CABP7: variants seen among roughly 807,000 people sequenced by gnomAD.
The protein encoded by CABP7 is calcium-binding protein 7.
Under a neutral mutation model 23.1 loss-of-function variants are expected in CABP7, and 13 were observed. The ratio of observed to expected loss-of-function variants is 0.56; its 90% CI spans 0.37 to 0.90. CABP7 has a LOEUF of 0.90. CABP7 is among the 40% of genes least tolerant of loss of function. The pLI, the probability that CABP7 is intolerant of heterozygous loss-of-function variation, is 0.01. For missense variants in CABP7, 248 were observed against 295.6 expected (o/e 0.84, Z 1.18); for synonymous variants, 123 against 115.3 (o/e 1.07, Z -0.43).
At chr22:29,721,754 C>T (rs1338079768) in intron 1 of CABP7, among the ~76,000 whole-genome samples, 1 of 152,158 alleles carries the variant, frequency 6.6e-6, no homozygotes, top group Non-Finnish European at 1.5e-5. Context: ...TCGCTCACTG[C>T]ACCATAGGCA....
intron 3 of CABP7, 111 bp downstream of exon 3, chr22:29,728,853 G>A: frequency 1.0e-6 from 1 of 1,000,530 alleles, no homozygotes; most frequent in African/African-American, 1.6e-5. Flanking sequence ...CTTCAGGCTT[G>A]TGTCCACTGG....
In CABP7 at chr22:29,731,220, G is replaced by A; in HGVS notation, c.*1651G>A. 2.0e-6 allele frequency: 3 copies of A among 1,491,906 alleles called. No individual in the cohort carries two copies. The highest frequency in any genetic ancestry group is 2.7e-6 in the Non-Finnish European group (3 of 1,131,000). The allele number at this position is 1,491,906 out of a possible 1,614,324, so 92.4% of individuals were successfully genotyped here. On this transcript the variant is annotated 3_prime_UTR_variant, in exon 5 of 5. Coordinates refer to ENST00000216144, the MANE Select transcript of CABP7 (RefSeq NM_182527.3). ...CCACGTGGGGGTCAGTCGGGGGCAA[G>A]GGGCTCAGCCCCACTGGACTCTGGG...
In CABP7 at chr22:29,720,659, C is replaced by A. The variant is rs1268813566; in HGVS notation, c.109+126C>A. On this transcript the variant is annotated intron_variant, in intron 1 of 4. Coordinates refer to ENST00000216144, the MANE Select transcript of CABP7 (RefSeq NM_182527.3). The surrounding 1 kb of genome is among the most constrained non-coding windows in gnomAD (Gnocchi z 5.2). ...GCAGGTGCCGGTTGCCAGGTGGGCG[C>A]CCCAGCTAGCAGCTGTGCCCCGCGG... The A allele has an allele frequency of 2.0e-6, 1 of 493,900 alleles. No homozygotes were observed. Among genetic ancestry groups the A allele is most frequent in the East Asian group, 3.9e-5 (1 of 25,832 alleles). The allele number at this position is 493,900 out of a possible 1,614,324, so 30.6% of individuals were successfully genotyped here.
At chr22:29,729,411 T>A in intron 4 of CABP7, 31 bp from the exon 5 acceptor site, 1 of 1,605,620 alleles carries the variant, frequency 6.2e-7, no homozygotes, top group Non-Finnish European at 8.5e-7. Flanking sequence ...TCCCCTTCTG[T>A]CTCCCCGGTG....
intron 1 of CABP7, among the ~76,000 whole-genome samples, chr22:29,723,054 G>A (rs1958200549): frequency 6.6e-6 from 1 of 152,206 alleles, no homozygotes; most frequent in African/African-American, 2.4e-5. Flanking sequence ...TAAAAGGGGG[G>A]CTGGTGATGG....
At position 29,720,418 on chromosome 22, in the gene CABP7, C is replaced by T. The variant is rs777732341; in HGVS notation, c.-7C>T. 7 of 1,506,762 alleles carry T rather than the reference C, an allele frequency of 4.6e-6. No individual in the cohort carries two copies. The Admixed American group carries it at 1.0e-4, about 23-fold the overall frequency. 93.3% of individuals were successfully genotyped at this position (1,506,762 alleles called of 1,614,324 possible). ...TGCGGCGGGCGGGCGGGCGCGGAGC[C>T]TCCAAGATGCCGTTCCACCCGGTGA... On this transcript the variant is annotated 5_prime_UTR_variant, in exon 1 of 5. Coordinates refer to ENST00000216144, the MANE Select transcript of CABP7 (RefSeq NM_182527.3). This position sits in a 1 kb window ranked among gnomAD's most constrained non-coding sequence, Gnocchi z 5.2.
chr22:29,725,162 G>A (rs971092843), intron 1 of CABP7, among the ~76,000 whole-genome samples: 13 of 152,070 alleles, frequency 8.5e-5, no homozygotes, highest in East Asian at 1.9e-4. Context: ...GCCCCCACTC[G>A]TCTTCAGCTT....
chr22:29,722,829 C>T (rs1256039184), intron 1 of CABP7, among the ~76,000 whole-genome samples: 3 of 152,216 alleles, frequency 2.0e-5, no homozygotes, highest in Admixed American at 6.5e-5. Context: ...CTGGGCAGCC[C>T]GGGATGGAAT....
chr22:29,725,926 G>A (rs901341613), intron 1 of CABP7, among the ~76,000 whole-genome samples: 8 of 152,152 alleles, frequency 5.3e-5, no homozygotes, highest in African/African-American at 1.2e-4. Context: ...TCTAGGGACC[G>A]GAATCCCCTC....
chr22:29,731,508 GT>G lies in CABP7; in HGVS notation c.*1942del. 1 of 996,774 alleles carries G rather than the reference GT, an allele frequency of 1.0e-6. No individual in the cohort carries two copies. The highest frequency in any genetic ancestry group is 1.9e-5 in the South Asian group (1 of 53,938). The allele number at this position is 996,774 out of a possible 1,614,324, so 61.7% of individuals were successfully genotyped here. Reference sequence around the variant, plus strand: ...GCAGAGCCTCGAAAATAGGCAGACCGTTTGAGCCAGCGACCTCACCTCTAGG... The same window carrying G: ...GCAGAGCCTCGAAAATAGGCAGACCGTTGAGCCAGCGACCTCACCTCTAGG... On this transcript the variant is annotated 3_prime_UTR_variant, in exon 5 of 5. Transcript: ENST00000216144.
chr22:29,720,273 G>GC lies in CABP7; in HGVS notation c.-147dup. On this transcript the variant is annotated 5_prime_UTR_variant, in exon 1 of 5. Coordinates refer to ENST00000216144, the MANE Select transcript of CABP7 (RefSeq NM_182527.3). The surrounding 1 kb of genome is among the most constrained non-coding windows in gnomAD (Gnocchi z 5.2). ...GCGGCCCGGGGCGCGGGGGCGCTAG[G>GC]CCCCCGGAGGGGCGTCCCCAGCCTC... 6.1e-6 allele frequency: 1 copy of GC among 163,086 alleles called. No individual in the cohort carries two copies. Among genetic ancestry groups the GC allele is most frequent in the Non-Finnish European group, 1.2e-5 (1 of 80,370 alleles). 10.1% of individuals were successfully genotyped at this position (163,086 alleles called of 1,614,324 possible). A position where few individuals can be genotyped will look rare whatever the true frequency, so the allele number is the denominator to read the frequency against.
Position 29,727,369 on chromosome 22 carries a change from G to A in CABP7, c.110-293G>A, listed in dbSNP as rs940497176. 5.3e-5 allele frequency among the ~76,000 whole-genome samples: 8 copies of A among 152,176 alleles called. No individual in the cohort carries two copies. Among genetic ancestry groups the A allele is most frequent in the Non-Finnish European group, 7.3e-5 (5 of 68,044 alleles). Reference sequence around the variant, plus strand: ...CCCCTGCACGTGGTCCCCACCACACGGGGTCGTTGTGAGCACACCAGGAGA... The same window carrying A: ...CCCCTGCACGTGGTCCCCACCACACAGGGTCGTTGTGAGCACACCAGGAGA... On this transcript the variant is annotated intron_variant, in intron 1 of 4. Transcript: ENST00000216144. This position sits in a 1 kb window ranked among gnomAD's most constrained non-coding sequence, Gnocchi z 4.2.
In CABP7 at chr22:29,727,102, T is replaced by C. The variant is rs1277047740; in HGVS notation, c.110-560T>C. Among the ~76,000 whole-genome samples the C allele has an allele frequency of 6.6e-6, 1 of 152,198 alleles. No homozygotes were observed. The highest frequency in any genetic ancestry group is 1.9e-4 in the East Asian group (1 of 5,190). On this transcript the variant is annotated intron_variant, in intron 1 of 4. Transcript: ENST00000216144. The surrounding 1 kb of genome is among the most constrained non-coding windows in gnomAD (Gnocchi z 4.2). Reference sequence around the variant, plus strand: ...TGGCCTGGACCTGGAGGGGGGCTCCTTCCCCCTCTGTCTTCCCTGAACCAA... The same window carrying C: ...TGGCCTGGACCTGGAGGGGGGCTCCCTCCCCCTCTGTCTTCCCTGAACCAA...
In CABP7 at chr22:29,720,493, G is replaced by A. The variant is rs2147204269; in HGVS notation, c.69G>A (p.Ser23=). 2 of 1,560,890 alleles carry A rather than the reference G, an allele frequency of 1.3e-6. No homozygotes were observed. Among genetic ancestry groups the A allele is most frequent in the Non-Finnish European group, 1.7e-6 (2 of 1,154,820 alleles). ...TCTACACCGTGCCCAACCTGCTGTC[G>A]GAGCAGCGCCCGGTGGACATCCCGG... ...RGIYTVPNLL[S]EQRPVDIPED... The change falls in exon 1 of 5, where the codon TCG becomes TCA. Residue 23 remains serine (S), a synonymous_variant. Transcript: ENST00000216144. The surrounding 1 kb of genome is among the most constrained non-coding windows in gnomAD (Gnocchi z 5.2).
chr22:29,727,611 G>C lies in CABP7; in HGVS notation c.110-51G>C, dbSNP rs2067805156. ...GGTGATCCTGGGGGTCTGGAAAGGG[G>C]GTCTGTTGGGGACCGGGGTGAAGTC... On this transcript the variant is annotated intron_variant, in intron 1 of 4. Transcript: ENST00000216144. The surrounding 1 kb of genome is among the most constrained non-coding windows in gnomAD (Gnocchi z 4.2). 1 of 1,609,114 alleles carries C rather than the reference G, an allele frequency of 6.2e-7. No individual in the cohort carries two copies. The highest frequency in any genetic ancestry group is 8.5e-7 in the Non-Finnish European group (1 of 1,177,138).
At chr22:29,723,992 A>T (rs1367389281) in intron 1 of CABP7, among the ~76,000 whole-genome samples, 1 of 152,198 alleles carries the variant, frequency 6.6e-6, no homozygotes, top group African/African-American at 2.4e-5. Flanking sequence ...GTCAGCCTGG[A>T]AACCTGGTGG....
rs570456067 is a variant in CABP7 at position 29,729,675 on chromosome 22, C to T, written c.*106C>T. On this transcript the variant is annotated 3_prime_UTR_variant, in exon 5 of 5. Coordinates refer to ENST00000216144, the MANE Select transcript of CABP7 (RefSeq NM_182527.3). ...GGCCGGCTCCCTGGGCCGCCATCTG[C>T]GTGTACTTCAGGGCCTGGGTATCCA... 4.0e-5 allele frequency: 57 copies of T among 1,441,952 alleles called. 2 individuals are homozygous for T. The highest frequency in any genetic ancestry group is 3.3e-4 in the South Asian group (26 of 79,360). 89.3% of individuals were successfully genotyped at this position (1,441,952 alleles called of 1,614,324 possible). A position where few individuals can be genotyped will look rare whatever the true frequency, so the allele number is the denominator to read the frequency against.
rs2067820956 is a variant in CABP7, at chr22:29,729,355, C to A, written c.521-87C>A. The A allele has an allele frequency of 7.0e-6, 11 of 1,581,536 alleles. No individual in the cohort carries two copies. The South Asian group carries it at 1.3e-4, about 18-fold the overall frequency. On this transcript the variant is annotated intron_variant, in intron 4 of 4. Transcript: ENST00000216144. ...CCATTGGGGCACCCCATGGGATGAG[C>A]CCATGTGCCGAAGGGCAGGCGGCTC...
chr22:29,731,469 G>T lies in CABP7; in HGVS notation c.*1900G>T. 1 of 1,391,686 alleles carries T rather than the reference G, an allele frequency of 7.2e-7. No homozygotes were observed. The highest frequency in any genetic ancestry group is 9.4e-7 in the Non-Finnish European group (1 of 1,060,626). The allele number at this position is 1,391,686 out of a possible 1,614,324, so 86.2% of individuals were successfully genotyped here. A position where few individuals can be genotyped will look rare whatever the true frequency, so the allele number is the denominator to read the frequency against. On this transcript the variant is annotated 3_prime_UTR_variant, in exon 5 of 5. Transcript: ENST00000216144. ...TGTGGGGAGGGTCAGCTGCCTGCAT[G>T]ACTTTTCTGGAAGGCAGAGCCTCGA...
Sources: allele counts gnomAD v4.1 joint callset (sites outside exome capture counted in the v4.1 genomes callset), GRCh38; gene constraint gnomAD v4.1.1; non-coding constraint Gnocchi (gnomAD v3.1); transcripts MANE v1.5; gene names NCBI Gene and HGNC (gene_info 2026-07-23, HGNC 2026-07-21).